Variants in IL11RA observed in about 807,000 individuals in gnomAD.
IL11RA encodes the protein interleukin 11 receptor subunit alpha, also known as interleukin-11 receptor subunit alpha.
A neutral mutation model predicts 57.0 loss-of-function variants in IL11RA; 51 were observed. The ratio of observed to expected loss-of-function variants is 0.89; its 90% CI spans 0.71 to 1.13. The LOEUF is 1.13. Ranked by LOEUF, IL11RA falls within the 50% of genes most tolerant of loss-of-function variation. The pLI is 0.00. For missense variants in IL11RA, 498 were observed against 539.4 expected, an observed-to-expected ratio of 0.92 and a Z score of 0.76; for synonymous variants, 199 against 217.5, an observed-to-expected ratio of 0.91 and a Z score of 0.75.
At chr9:34,654,240 C>G (rs1821300407) in intron 1 of IL11RA, among the ~76,000 whole-genome samples, 1 of 152,128 alleles carries the variant, frequency 6.6e-6, no homozygotes, top group Non-Finnish European at 1.5e-5. Context: ...GAATCTCTCT[C>G]TCCTAGCATC....
Position 34,659,769 on chromosome 9 carries a change from C to G in IL11RA, c.821C>G (p.Ala274Gly). Residue 274 changes from alanine to glycine, a missense_variant, in exon 9 of 13, where the codon GCT becomes GGT. By Grantham distance (60) the Ala-to-Gly change is moderately conservative. Coordinates refer to ENST00000441545, the MANE Select transcript of IL11RA (RefSeq NM_001142784.3). ...QHPAWSTVEP[A>G]GLEEVITDAV... ...CATGTTTACCCCCAGGTGGAGCCAG[C>G]TGGACTGGAGGAGGTGATCACAGAT... The G allele has an allele frequency of 6.2e-7, 1 of 1,614,194 alleles. No homozygotes were observed. The highest frequency in any genetic ancestry group is 8.5e-7 in the Non-Finnish European group (1 of 1,180,028).
rs751828254 is a variant in IL11RA, at chr9:34,658,354, A to G, written c.647-166A>G. ...ACCACACGCGGCCTCAGCCCATTTC[A>G]TAATACAGATGACCGGTCTGAGTCT... On this transcript the variant is annotated intron_variant, in intron 7 of 12. Transcript: ENST00000441545. The surrounding 1 kb of genome is among the most constrained non-coding windows in gnomAD (Gnocchi z 4.0). 1.3e-5 allele frequency among the ~76,000 whole-genome samples: 2 copies of G among 152,184 alleles called. No homozygotes were observed. The highest frequency in any genetic ancestry group is 1.5e-5 in the Non-Finnish European group (1 of 68,032).
At chr9:34,660,657 A>G in intron 11 of IL11RA, 57 bp downstream of exon 11, 1 of 1,433,666 alleles carries the variant, frequency 7.0e-7, no homozygotes, top group Non-Finnish European at 9.8e-7. Context: ...TCTGATGCCC[A>G]TAGACCACAT....
intron 1 of IL11RA, among the ~76,000 whole-genome samples, chr9:34,652,861 T>C (rs1428829347): frequency 6.6e-6 from 1 of 152,158 alleles, no homozygotes; most frequent in Non-Finnish European, 1.5e-5. Context: ...CAGCATCAGG[T>C]CTACTGCTCC....
chr9:34,655,281 G>A lies in IL11RA; in HGVS notation c.64G>A (p.Ala22Thr). ...LVAVATALVS[A>T]SSPCPQAWGP... ...GGCCGTGGCTACAGCCCTGGTGTCT[G>A]CCTCCTCCCCCTGCCCCCAGGCCTG... The change falls in exon 2 of 13, where the codon GCC (alanine) becomes ACC (threonine). Residue 22 changes from alanine (A) to threonine (T), a missense_variant. By Grantham distance (58) the Ala-to-Thr change is moderately conservative. Coordinates refer to ENST00000441545, the MANE Select transcript of IL11RA (RefSeq NM_001142784.3). 1 of 1,611,316 alleles carries A rather than the reference G, an allele frequency of 6.2e-7. No individual in the cohort carries two copies.
chr9:34,661,008 G>C (rs1204160666), intron 12 of IL11RA, 72 bp downstream of exon 12: 37 of 1,226,612 alleles, frequency 3.0e-5, no homozygotes, highest in Non-Finnish European at 2.9e-5. Flanking sequence ...ATTAAGAGCT[G>C]GCTGCCCTAG....
intron 1 of IL11RA, 48 bp from the exon 2 acceptor site, chr9:34,655,170 C>A: frequency 2.3e-6 from 3 of 1,311,886 alleles, no homozygotes; most frequent in Non-Finnish European, 3.3e-6. Flanking sequence ...CAGGCTTTAG[C>A]CTCCCATCTC....
intron 9 of IL11RA, 127 bp from the exon 10 acceptor site, chr9:34,660,147 G>T: frequency 1.4e-6 from 2 of 1,420,188 alleles, no homozygotes; most frequent in South Asian, 1.2e-5. Context: ...CTAGGAGCTG[G>T]CCATGCCCTA....
At chr9:34,655,091 C>G in intron 1 of IL11RA, 127 bp from the exon 2 acceptor site, 1 of 732,058 alleles carries the variant, frequency 1.4e-6, no homozygotes, top group Non-Finnish European at 2.5e-6. Context: ...GCAGTGATTT[C>G]TAACAGCCTT....
At chr9:34,660,626 G>A in intron 11 of IL11RA, 26 bp downstream of exon 11, 1 of 1,572,146 alleles carries the variant, frequency 6.4e-7, no homozygotes, top group Non-Finnish European at 8.8e-7. Context: ...TGGTCCCTCA[G>A]CCTCTGATCC....
At chr9:34,656,012 G>A (rs1289267052) in intron 3 of IL11RA, 5 of 362,620 alleles carry the variant, frequency 1.4e-5, no homozygotes, top group African/African-American at 4.2e-5. Context: ...GAGGGATGTC[G>A]AAGAGGACAA....
At position 34,660,324 on chromosome 9, in the gene IL11RA, G is replaced by T; in HGVS notation, c.1003G>T (p.Glu335Ter). 6.2e-7 allele frequency: 1 copy of T among 1,614,246 alleles called. No individual in the cohort carries two copies. The highest frequency in any genetic ancestry group is 1.1e-5 in the South Asian group (1 of 91,092). ...PAWGQLHTQP[E>*]VEPQVDSPAP... ...ATGGGGCCAGCTACACACGCAGCCA[G>T]AGGTGGAGCCTCAGGTGGACAGCCC... Residue 335 changes from glutamate to a stop codon, truncating the protein, a stop_gained, in exon 10 of 13, where the codon GAG becomes TAG. Coordinates refer to ENST00000441545, the MANE Select transcript of IL11RA (RefSeq NM_001142784.3). LOFTEE classifies it high-confidence loss of function.
Position 34,657,073 on chromosome 9 carries a change from G to A in IL11RA, c.370G>A (p.Asp124Asn), listed in dbSNP as rs766685036. 30 of 1,614,018 alleles carry A rather than the reference G, an allele frequency of 1.9e-5. No homozygotes were observed. The highest frequency in any genetic ancestry group is 2.4e-5 in the Non-Finnish European group (28 of 1,180,040). ...ARPVVSCQAADYENFSCTWSP... is the reference protein window; with the variant it reads ...ARPVVSCQAANYENFSCTWSP... ...CCCTGTTGTCTCCTGCCAAGCAGCC[G>A]ACTATGAGAACTTCTCTTGCACTTG... The change falls in exon 5 of 13, where the codon GAC (aspartate) becomes AAC (asparagine). Residue 124 changes from aspartate (D) to asparagine (N), a missense_variant. By Grantham distance (23) the Asp-to-Asn change is conservative. Coordinates refer to ENST00000441545, the MANE Select transcript of IL11RA (RefSeq NM_001142784.3).
At chr9:34,655,345 C>T in intron 2 of IL11RA, 28 bp downstream of exon 2, 1 of 1,337,888 alleles carries the variant, frequency 7.5e-7, no homozygotes, top group Non-Finnish European at 1.1e-6. Flanking sequence ...CTACAACCTC[C>T]CAACTCTGAC....
At chr9:34,659,384 A>G (rs1424411203) in intron 8 of IL11RA, among the ~76,000 whole-genome samples, 1 of 152,146 alleles carries the variant, frequency 6.6e-6, no homozygotes, top group Non-Finnish European at 1.5e-5. Context: ...ATAATAACTA[A>G]TATTTACTTA....
Position 34,660,133 on chromosome 9 carries a change from C to A in IL11RA, c.953-141C>A. 2.2e-6 allele frequency: 3 copies of A among 1,336,520 alleles called. No homozygotes were observed. The South Asian group carries it at 3.6e-5, about 16-fold the overall frequency. The allele number at this position is 1,336,520 out of a possible 1,614,324, so 82.8% of individuals were successfully genotyped here. On this transcript the variant is annotated intron_variant, in intron 9 of 12. Transcript: ENST00000441545. ...TTCTACAAGCTTGGAGCTTGCCATG[C>A]TCCCTAGGAGCTGGCCATGCCCTAT...
At chr9:34,654,663 C>G (rs933742987) in intron 1 of IL11RA, among the ~76,000 whole-genome samples, 1 of 152,194 alleles carries the variant, frequency 6.6e-6, no homozygotes, top group Admixed American at 6.5e-5. Context: ...AGGCGAGAAG[C>G]CTGGCAGCCA....
chr9:34,657,303 G>C lies in IL11RA; in HGVS notation c.447G>C (p.Arg149Ser). The C allele has an allele frequency of 6.2e-7, 1 of 1,614,180 alleles. No individual in the cohort carries two copies. Among genetic ancestry groups the C allele is most frequent in the Non-Finnish European group, 8.5e-7 (1 of 1,180,028 alleles). Residue 149 changes from arginine to serine, a missense_variant and splice_region_variant, in exon 6 of 13, where the codon AGG (arginine) becomes AGC (serine). Arg to Ser is a moderately radical substitution (Grantham distance 110, BLOSUM62 -1). Transcript: ENST00000441545. ...CTTCAGATGGCCCCCTCCCCACCAG[G>C]AAGAAGACAGTCCTAGGAGCTGATA... ...GLPTRYLTSYRKKTVLGADSQ... is the reference protein window; with the variant it reads ...GLPTRYLTSYSKKTVLGADSQ...
chr9:34,658,414 C>T lies in IL11RA; in HGVS notation c.647-106C>T. 1 of 1,148,928 alleles carries T rather than the reference C, an allele frequency of 8.7e-7. No individual in the cohort carries two copies. The highest frequency in any genetic ancestry group is 1.3e-6 in the Non-Finnish European group (1 of 759,404). 71.2% of individuals were successfully genotyped at this position (1,148,928 alleles called of 1,614,324 possible). A position where few individuals can be genotyped will look rare whatever the true frequency, so the allele number is the denominator to read the frequency against. On this transcript the variant is annotated intron_variant, in intron 7 of 12. Coordinates refer to ENST00000441545, the MANE Select transcript of IL11RA (RefSeq NM_001142784.3). The surrounding 1 kb of genome is among the most constrained non-coding windows in gnomAD (Gnocchi z 4.0). The stretch of plus-strand genomic sequence containing the variant: ...TCAAGTTTAAGATTTCCCCTCCCCT[C>T]TCAGGAGTGTCTGGCTAAGGCTCCT...
Sources: gnomAD v4.1 joint callset for allele counts (sites outside exome capture counted in the v4.1 genomes callset) on GRCh38, gnomAD v4.1.1 for gene constraint, Gnocchi (gnomAD v3.1) non-coding constraint, MANE v1.5 for transcripts, NCBI Gene and HGNC (gene_info 2026-07-23, HGNC 2026-07-21) for gene names.